Variants in FBN3 observed in about 807,000 individuals in gnomAD.
FBN3 encodes fibrillin-3.
In FBN3, 234 loss-of-function variants were observed where a neutral mutation model predicts 330.1. The ratio of observed to expected loss-of-function variants is 0.71; its 90% CI spans 0.64 to 0.79. The LOEUF (loss-of-function observed/expected upper bound fraction) is 0.79, where lower values mean the gene tolerates loss of function less well. Among genes scored for constraint, FBN3 ranks in the 30% least tolerant of loss-of-function variants. FBN3 has a pLI of 0.00. For synonymous variants in FBN3, 1,458 were observed against 1,517.3 expected (o/e 0.96, Z 0.91); for missense variants, 3,606 against 3,886.9 (o/e 0.93, Z 1.92).
intron 13 of FBN3, 25 bp downstream of exon 13, chr19:8,135,936 G>GGGGGGGGGGGGGGGGGCGGCCCCC: frequency 1.5e-6 from 1 of 668,778 alleles, no homozygotes; most frequent in Non-Finnish European, 2.4e-6. Flanking sequence ...GGAAGCCCCT[G>GGGGGGGGGGGGGGGGGCGGCCCCC]CCCACCCGCC....
chr19:8,123,172 G>A (rs117994655), intron 24 of FBN3, among the ~76,000 whole-genome samples: 3,829 of 151,844 alleles, frequency 0.025, 65 homozygotes, highest in Middle Eastern at 0.054. Flanking sequence ...TGACCAACAC[G>A]GAGAAACACT....
chr19:8,073,360 C>T (rs992473615), intron 61 of FBN3, 63 bp from the exon 62 acceptor site: 23 of 1,334,900 alleles, frequency 1.7e-5, no homozygotes, highest in Non-Finnish European at 2.4e-5. Context: ...CCTTCACACC[C>T]CCAGAGCCCT....
At chr19:8,128,514 G>A (rs1025558330) in intron 18 of FBN3, among the ~76,000 whole-genome samples, 1 of 150,958 alleles carries the variant, frequency 6.6e-6, no homozygotes, top group Non-Finnish European at 1.5e-5. Context: ...AGTGAGCTGA[G>A]ATCGTGCCAC....
chr19:8,135,943 C>CCCCCCA lies in FBN3; in HGVS notation c.1591+17_1591+18insTGGGGG. ...TGGGGCCCGGAAGCCCCTGCCCACCCGCCCACCCCCAACTCACCCACACAG... is the reference window on the plus strand; with the variant it reads ...TGGGGCCCGGAAGCCCCTGCCCACCCCCCCCAGCCCACCCCCAACTCACCCACACAG... On this transcript the variant is annotated intron_variant, in intron 13 of 63. Coordinates refer to ENST00000600128, the MANE Select transcript of FBN3 (RefSeq NM_032447.5). 1 of 481,676 alleles carries CCCCCCA rather than the reference C, an allele frequency of 2.1e-6. No homozygotes were observed. Among genetic ancestry groups the CCCCCCA allele is most frequent in the Non-Finnish European group, 4.0e-6 (1 of 250,162 alleles). The allele number at this position is 481,676 out of a possible 1,614,324, so 29.8% of individuals were successfully genotyped here. A position where few individuals can be genotyped will look rare whatever the true frequency, so the allele number is the denominator to read the frequency against.
intron 32 of FBN3, 128 bp from the exon 33 acceptor site, chr19:8,111,311 T>A: frequency 8.2e-7 from 1 of 1,215,346 alleles, no homozygotes; most frequent in Non-Finnish European, 1.1e-6. Flanking sequence ...CCCTGGGGAC[T>A]CAGTCCCTGA....
intron 13 of FBN3, among the ~76,000 whole-genome samples, chr19:8,135,364 G>A (rs948457163): frequency 5.3e-5 from 8 of 150,346 alleles, no homozygotes; most frequent in Non-Finnish European, 1.0e-4. Context: ...TGCAGCCTCC[G>A]TCTCCTGGGT....
intron 6 of FBN3, among the ~76,000 whole-genome samples, 163 bp from the exon 7 acceptor site, chr19:8,142,300 C>T (rs1315479649): frequency 3.3e-5 from 5 of 152,166 alleles, no homozygotes; most frequent in Middle Eastern, 3.2e-3. Flanking sequence ...CCCTACCTAA[C>T]GAACTCCTAT....
chr19:8,071,902 C>T (rs551657630), intron 63 of FBN3, 146 bp downstream of exon 63: 28 of 807,318 alleles, frequency 3.5e-5, no homozygotes, highest in Admixed American at 7.8e-5. Flanking sequence ...GGCCCTAAGC[C>T]GGCACCATGA....
In FBN3 at chr19:8,125,857, G is replaced by A. The variant is rs367548759; in HGVS notation, c.2731+35C>T. The A allele has an allele frequency of 4.3e-5, 67 of 1,573,524 alleles. No individual in the cohort carries two copies. The African/African-American group carries it at 8.8e-4, about 21-fold the overall frequency. On this transcript the variant is annotated intron_variant, in intron 22 of 63. Coordinates refer to ENST00000600128, the MANE Select transcript of FBN3 (RefSeq NM_032447.5). The stretch of plus-strand genomic sequence containing the variant: ...CGGGTGGAGGGAACAAAGGAAGAAC[G>A]TGTGGCCCTGTATGCGGACCTCGCC...
In FBN3 at chr19:8,121,285, C is replaced by T. The variant is rs1487325760; in HGVS notation, c.3184G>A (p.Gly1062Ser). The change falls in exon 25 of 64, where the codon GGC (glycine) becomes AGC (serine). Residue 1062 changes from glycine (G) to serine (S), a missense_variant. Physicochemically the swap from Gly to Ser is moderately conservative, Grantham distance 56. Transcript: ENST00000600128. This position sits in a 1 kb window ranked among gnomAD's most constrained non-coding sequence, Gnocchi z 4.5. Reference protein sequence around the residue: ...ECECFPGYESGFMLMKNCMDV... With the variant: ...ECECFPGYESSFMLMKNCMDV... ...ATGCAGTTCTTCATCAGCATGAAGC[C>T]ACTCTCGTAGCCGGGAAAACACTCG... 1 of 1,611,550 alleles carries T rather than the reference C, an allele frequency of 6.2e-7. No individual in the cohort carries two copies. Among genetic ancestry groups the T allele is most frequent in the African/African-American group, 1.3e-5 (1 of 74,880 alleles).
chr19:8,068,561 G>T (rs757776261), intron 63 of FBN3, among the ~76,000 whole-genome samples: 57 of 151,864 alleles, frequency 3.8e-4, no homozygotes, highest in Non-Finnish European at 7.4e-4. Flanking sequence ...CTGGGCAGGT[G>T]TGGTGGTACA....
At position 8,106,213 on chromosome 19, in the gene FBN3, G is replaced by T. The variant is rs776503684; in HGVS notation, c.4708C>A (p.Leu1570Met). The T allele has an allele frequency of 1.2e-6, 2 of 1,614,188 alleles. No homozygotes were observed. Among genetic ancestry groups the T allele is most frequent in the South Asian group, 2.2e-5 (2 of 91,082 alleles). ...ILEDIDECQE[L>M]PGLCQGGDCV... ...TCACCCCCCTGACACAGCCCTGGCAGCTCTTGGCACTCGTCGATGTCTGTC... is the reference window on the plus strand; with the variant it reads ...TCACCCCCCTGACACAGCCCTGGCATCTCTTGGCACTCGTCGATGTCTGTC... Residue 1570 changes from leucine to methionine, a missense_variant, in exon 38 of 64, where the codon CTG becomes ATG. By Grantham distance (15) the Leu-to-Met change is conservative. Transcript: ENST00000600128.
intron 47 of FBN3, 39 bp downstream of exon 47, chr19:8,094,407 T>G (rs1179610423): frequency 3.2e-5 from 50 of 1,579,232 alleles, no homozygotes; most frequent in Non-Finnish European, 4.2e-5. Flanking sequence ...AGAGAGGCAC[T>G]CCCTGGCGCC....
At chr19:8,105,549 C>T (rs905382275) in intron 38 of FBN3, among the ~76,000 whole-genome samples, 4 of 152,162 alleles carry the variant, frequency 2.6e-5, no homozygotes, top group Non-Finnish European at 4.4e-5. Flanking sequence ...TGAGCTGCCA[C>T]GCACCCAGCC....
rs372378451 is a variant in FBN3, at chr19:8,131,853, G to A, written c.1715-24C>T. 3.7e-5 allele frequency: 58 copies of A among 1,557,404 alleles called. 1 individual carries two copies. Among genetic ancestry groups the A allele is most frequent in the African/African-American group, 5.4e-5 (4 of 74,054 alleles). ...GTCTGCAGAAGCAGTGGCGGCACGG[G>A]GATGGGTTCCAGCGTGCTCCCTTCC... On this transcript the variant is annotated intron_variant, in intron 14 of 63. Coordinates refer to ENST00000600128, the MANE Select transcript of FBN3 (RefSeq NM_032447.5). The surrounding 1 kb of genome is among the most constrained non-coding windows in gnomAD (Gnocchi z 4.5).
intron 9 of FBN3, 31 bp downstream of exon 9, chr19:8,138,381 C>G (rs1412289499): frequency 1.2e-6 from 2 of 1,610,226 alleles, no homozygotes; most frequent in Non-Finnish European, 1.7e-6. Flanking sequence ...CCTCCTCACC[C>G]ACAGCCCTGC....
At chr19:8,075,260 C>T (rs1463944199) in intron 60 of FBN3, 23 bp downstream of exon 60, 5 of 1,601,670 alleles carry the variant, frequency 3.1e-6, no homozygotes, top group East Asian at 2.2e-5. Flanking sequence ...AAACACTAGA[C>T]CCCAGCCAAA....
In FBN3 at chr19:8,123,965, C is replaced by G. The variant is rs748321077; in HGVS notation, c.2775G>C (p.Glu925Asp). The G allele has an allele frequency of 5.0e-6, 8 of 1,614,008 alleles. No individual in the cohort carries two copies. The African/African-American group carries it at 8.0e-5, about 16-fold the overall frequency. Residue 925 changes from glutamate (E) to aspartate (D), a missense_variant, in exon 23 of 64, where the codon GAG (glutamate) becomes GAC (aspartate). Transcript: ENST00000600128. ...ACTTGCCAGGCAGGGTGACCCCACA[C>G]TCATCCTCATCCCATCGCAGGAAAC... ...EPCFLRWDED[E>D]CGVTLPGKYR...
At chr19:8,144,538 G>A (rs2083489277) in intron 6 of FBN3, among the ~76,000 whole-genome samples, 2 of 151,792 alleles carry the variant, frequency 1.3e-5, no homozygotes, top group Non-Finnish European at 2.9e-5. Context: ...TGGTTTCTCT[G>A]TCCTTCACAT....
Sources: gnomAD v4.1 joint callset for allele counts (sites outside exome capture counted in the v4.1 genomes callset) on GRCh38, gnomAD v4.1.1 for gene constraint, Gnocchi (gnomAD v3.1) non-coding constraint, MANE v1.5 for transcripts, NCBI Gene and HGNC (gene_info 2026-07-23, HGNC 2026-07-21) for gene names.